CFAP20DC: variants seen among roughly 807,000 people sequenced by gnomAD.
CFAP20DC encodes the protein CFAP20 domain containing, also known as protein CFAP20DC.
CFAP20DC carries 84 observed loss-of-function variants against 101.7 expected under a neutral mutation model. That is an observed-to-expected ratio of 0.83 (90% CI 0.69 to 0.99). CFAP20DC has a LOEUF of 0.99. CFAP20DC is among the 50% of genes least tolerant of loss of function. The pLI is 0.00. For synonymous variants in CFAP20DC, 359 were observed against 351.2 expected, an observed-to-expected ratio of 1.02 and a Z score of -0.25; for missense variants, 1,007 against 970.3, an observed-to-expected ratio of 1.04 and a Z score of -0.50.
chr3:58,824,817 T>C (rs2075932847), intron 14 of CFAP20DC, among the ~76,000 whole-genome samples: 1 of 152,022 alleles, frequency 6.6e-6, no homozygotes, highest in African/African-American at 2.4e-5. Flanking sequence ...TGCTTGATAT[T>C]AGGTATGGGA....
intron 16 of CFAP20DC, among the ~76,000 whole-genome samples, chr3:58,751,008 T>A (rs1448713041): frequency 6.6e-6 from 1 of 152,170 alleles, no homozygotes; most frequent in East Asian, 1.9e-4. Flanking sequence ...CAGATTTCAA[T>A]GAATTGCTCT....
At chr3:58,759,674 C>T (rs968800541) in intron 15 of CFAP20DC, among the ~76,000 whole-genome samples, 11 of 152,236 alleles carry the variant, frequency 7.2e-5, no homozygotes, top group East Asian at 1.9e-4. Context: ...TTAGGTCTAA[C>T]GTTTAAGTCT....
chr3:58,943,307 C>T (rs1233001381), intron 4 of CFAP20DC, among the ~76,000 whole-genome samples: 2 of 152,184 alleles, frequency 1.3e-5, no homozygotes, highest in Non-Finnish European at 2.9e-5. Flanking sequence ...TCAATAGACA[C>T]GTCATACAGG....
intron 13 of CFAP20DC, among the ~76,000 whole-genome samples, chr3:58,846,373 GACAA>G (rs1575888624): frequency 6.6e-6 from 1 of 150,936 alleles, no homozygotes; most frequent in South Asian, 2.1e-4. Flanking sequence ...ACCAACAACA[GACAA>G]ACAGAGAGCC....
rs561295002 is a variant in CFAP20DC at position 59,049,482 on chromosome 3, A to C, written c.21+129T>G. On this transcript the variant is annotated intron_variant, in intron 1 of 16. Transcript: ENST00000482387. ...CTGGGTCAACAGCATTCACCCATTA[A>C]TTCTGTCTTACCCCTGAAAAAGACC... 17 of 897,630 alleles carry C rather than the reference A, an allele frequency of 1.9e-5. No homozygotes were observed. The South Asian group carries it at 2.1e-4, about 11-fold the overall frequency. The allele number at this position is 897,630 out of a possible 1,614,324, so 55.6% of individuals were successfully genotyped here.
intron 15 of CFAP20DC, among the ~76,000 whole-genome samples, chr3:58,755,126 A>T (rs1049247315): frequency 1.3e-5 from 2 of 152,202 alleles, no homozygotes; most frequent in African/African-American, 4.8e-5. Flanking sequence ...CTTTTCCAGC[A>T]TAAAAAGCAT....
chr3:58,724,362 T>G lies in CFAP20DC; in HGVS notation c.198-6734A>C, dbSNP rs946480924. Among the ~76,000 whole-genome samples, 1 of 151,974 alleles carries G rather than the reference T, an allele frequency of 6.6e-6. No homozygotes were observed. The highest frequency in any genetic ancestry group is 2.4e-5 in the African/African-American group (1 of 41,358). ...ATAAGTTGTGGAAAGCCACAAGAGG[T>G]CTCTGAGGAGGAAAGCCTCCTAATA... On this transcript the variant is annotated intron_variant, in intron 3 of 3. Coordinates refer to the CFAP20DC transcript ENST00000486145. The surrounding 1 kb of genome is among the most constrained non-coding windows in gnomAD (Gnocchi z 5.6).
intron 5 of CFAP20DC, among the ~76,000 whole-genome samples, chr3:58,924,151 G>C (rs2085693637): frequency 6.6e-6 from 1 of 151,978 alleles, no homozygotes; most frequent in Non-Finnish European, 1.5e-5. Context: ...CTTATGGTGA[G>C]GTTTGGGCTT....
At chr3:58,832,475 T>A (rs958801897) in intron 13 of CFAP20DC, among the ~76,000 whole-genome samples, 9 of 152,118 alleles carry the variant, frequency 5.9e-5, no homozygotes, top group Non-Finnish European at 1.2e-4. Context: ...GTTTTTTTTT[T>A]AAATTTGCCA....
At chr3:58,829,319 T>TAAA (rs2076243182) in intron 14 of CFAP20DC, among the ~76,000 whole-genome samples, 1 of 109,478 alleles carries the variant, frequency 9.1e-6, no homozygotes. Context: ...AGACTCAGTC[T>TAAA]CAAAAAAAAA....
At position 58,831,686 on chromosome 3, in the gene CFAP20DC, G is replaced by T. The variant is rs751290465; in HGVS notation, c.2175C>A (p.Pro725=). 5.6e-6 allele frequency: 9 copies of T among 1,613,118 alleles called. No individual in the cohort carries two copies. In the Admixed American group the frequency reaches 1.5e-4, roughly 27 times the overall value. ...DTTTWNSCLP[P]PVNQGRHYQK... is the part of the protein sequence containing the mutation. ...GGAAGCTGCAAAGCCAGGGACTCAC[G>T]GGTGGCAGGCAGGAGTTCCAGGTGG... The change falls in exon 14 of 17, where the codon CCC becomes CCA. Residue 725 remains proline, a splice_region_variant and synonymous_variant. Coordinates refer to ENST00000482387, the MANE Select transcript of CFAP20DC (RefSeq NM_001394063.1).
chr3:58,818,459 A>G (rs1409988848), intron 14 of CFAP20DC, among the ~76,000 whole-genome samples: 2 of 151,718 alleles, frequency 1.3e-5, no homozygotes, highest in South Asian at 2.1e-4. Flanking sequence ...TACCAAGCAA[A>G]TGGAAAACTG....
At chr3:58,813,294 G>T (rs2074823466) in intron 14 of CFAP20DC, among the ~76,000 whole-genome samples, 1 of 151,856 alleles carries the variant, frequency 6.6e-6, no homozygotes. Context: ...AATGGAACTT[G>T]ATCTTTTTCC....
At chr3:58,759,093 G>T (rs1164088395) in intron 15 of CFAP20DC, among the ~76,000 whole-genome samples, 2 of 152,152 alleles carry the variant, frequency 1.3e-5, no homozygotes, top group African/African-American at 4.8e-5. Context: ...TCTAGTTCTA[G>T]ATCCCTGAGG....
At chr3:58,781,791 A>G (rs988656567) in intron 15 of CFAP20DC, among the ~76,000 whole-genome samples, 3 of 152,066 alleles carry the variant, frequency 2.0e-5, no homozygotes, top group Admixed American at 6.6e-5. Context: ...ATCAGTAATA[A>G]AAAGTCTACC....
At position 58,747,215 on chromosome 3, in the gene CFAP20DC, A is replaced by C. The variant is rs1462652572; in HGVS notation, c.2333-4643T>G. Among the ~76,000 whole-genome samples the C allele has an allele frequency of 2.6e-5, 4 of 152,272 alleles. No individual in the cohort carries two copies. In the East Asian group the frequency reaches 7.7e-4, roughly 29 times the overall value. The stretch of plus-strand genomic sequence containing the variant: ...AGTGAAATAAAATTACCTTTCAGAT[A>C]ATAATCTATTTACAAACTTTCAGCC... On this transcript the variant is annotated intron_variant, in intron 16 of 16. Transcript: ENST00000482387.
At position 58,867,903 on chromosome 3, in the gene CFAP20DC, G is replaced by C. The variant is rs772709211; in HGVS notation, c.1049C>G (p.Pro350Arg). The change falls in exon 10 of 17, where the codon CCT becomes CGT. Residue 350 changes from proline (P) to arginine (R), a missense_variant. By Grantham distance (103) the Pro-to-Arg change is moderately radical. Coordinates refer to ENST00000482387, the MANE Select transcript of CFAP20DC (RefSeq NM_001394063.1). ...ATTCTTATCTGCTGATGGTTCTTGA[G>C]GGGGATGCGGATGCATAATATGTAG... Reference protein sequence around the residue: ...ANLHIMHPHPPQEPSADKNNN... With the variant: ...ANLHIMHPHPRQEPSADKNNN... 6.2e-7 allele frequency: 1 copy of C among 1,612,922 alleles called. No homozygotes were observed. Among genetic ancestry groups the C allele is most frequent in the African/African-American group, 1.3e-5 (1 of 74,842 alleles).
At chr3:58,772,651 C>T (rs1435774086) in intron 15 of CFAP20DC, among the ~76,000 whole-genome samples, 4 of 152,146 alleles carry the variant, frequency 2.6e-5, no homozygotes, top group Non-Finnish European at 4.4e-5. Flanking sequence ...GCACTGTCTA[C>T]AGCAACAAAG....
chr3:58,991,165 A>G (rs1369403933), intron 4 of CFAP20DC, among the ~76,000 whole-genome samples: 4 of 152,196 alleles, frequency 2.6e-5, no homozygotes, highest in African/African-American at 9.6e-5. Context: ...AAGCATTTAC[A>G]ATATTTTCTT....
Sources: allele counts gnomAD v4.1 joint callset (sites outside exome capture counted in the v4.1 genomes callset), GRCh38; gene constraint gnomAD v4.1.1; non-coding constraint Gnocchi (gnomAD v3.1); transcripts MANE v1.5; gene names NCBI Gene and HGNC (gene_info 2026-07-23, HGNC 2026-07-21).